DNAH5: variants seen among roughly 807,000 people sequenced by gnomAD.
The protein encoded by DNAH5 is axonemal beta dynein heavy chain 5.
In DNAH5, 372 loss-of-function variants were observed where a neutral mutation model predicts 518.2. That is an observed-to-expected ratio of 0.72 (90% CI 0.66 to 0.78). The LOEUF is 0.78. Among genes scored for constraint, DNAH5 ranks in the 30% least tolerant of loss-of-function variants. DNAH5 has a pLI of 0.00. For synonymous variants in DNAH5, 2,039 were observed against 2,025.9 expected, an observed-to-expected ratio of 1.01 and a Z score of -0.17; for missense variants, 5,523 against 5,687.0, an observed-to-expected ratio of 0.97 and a Z score of 0.93.
At chr5:13,713,434 C>CATATATATATAT (rs200836910) in intron 75 of DNAH5, among the ~76,000 whole-genome samples, 136 of 70,634 alleles carry the variant, frequency 1.9e-3, no homozygotes, top group African/African-American at 5.6e-3. Flanking sequence ...TATACATCGA[C>CATATATATATAT]ATATATATAT....
At chr5:13,811,318 C>T (rs1760671503) in intron 44 of DNAH5, among the ~76,000 whole-genome samples, 2 of 152,150 alleles carry the variant, frequency 1.3e-5, no homozygotes, top group Non-Finnish European at 2.9e-5. Context: ...AGTATGTATA[C>T]CTACTATGTA....
chr5:13,781,091 C>T (rs2126838691), intron 52 of DNAH5, 132 bp from the exon 53 acceptor site: 1 of 1,045,956 alleles, frequency 9.6e-7, no homozygotes. Flanking sequence ...AGACTGGAGA[C>T]ACACTGGTTG....
chr5:13,969,798 T>C (rs1362691101), intron 1 of DNAH5, among the ~76,000 whole-genome samples: 4 of 152,320 alleles, frequency 2.6e-5, no homozygotes, highest in East Asian at 3.9e-4. Flanking sequence ...TTGGGTAGAA[T>C]GTTCTGTAAA....
intron 1 of DNAH5, among the ~76,000 whole-genome samples, chr5:13,939,791 C>T (rs1037451494): frequency 7.9e-5 from 12 of 152,142 alleles, no homozygotes; most frequent in African/African-American, 1.9e-4. Flanking sequence ...AGAGGAAGCA[C>T]GGCACCTCCT....
chr5:13,735,275 C>G lies in DNAH5; in HGVS notation c.11617G>C (p.Glu3873Gln), dbSNP rs770233429. The change falls in exon 68 of 79, where the codon GAG becomes CAG. Residue 3873 changes from glutamate to glutamine, a missense_variant. Coordinates refer to ENST00000265104, the MANE Select transcript of DNAH5 (RefSeq NM_001369.3). Reference sequence around the variant, plus strand: ...TTATAAACCTCGTAGGTCATGTGCTCGATGATATTAGCAATCCTCTTGCTT... The same window carrying G: ...TTATAAACCTCGTAGGTCATGTGCTGGATGATATTAGCAATCCTCTTGCTT... ...ITSKRIANII[E>Q]HMTYEVYKYA... 10 of 1,613,928 alleles carry G rather than the reference C, an allele frequency of 6.2e-6. No individual in the cohort carries two copies. Among genetic ancestry groups the G allele is most frequent in the Non-Finnish European group, 6.8e-6 (8 of 1,180,000 alleles).
Position 13,871,742 on chromosome 5 carries a change from G to T in DNAH5, c.3420C>A (p.Cys1140Ter). ...TKKEVITSMD[C>*]FKRYNHIWQK... ...GCCAAATGTGATTGTAGCGTTTGAA[G>T]CAATCCATGGATGTAATAACTTCCT... Residue 1140 changes from cysteine (C) to a stop codon, truncating the protein, a stop_gained, in exon 23 of 79, where the codon TGC becomes TGA. Coordinates refer to ENST00000265104, the MANE Select transcript of DNAH5 (RefSeq NM_001369.3). LOFTEE classifies it high-confidence loss of function. 1 of 1,613,584 alleles carries T rather than the reference G, an allele frequency of 6.2e-7. No homozygotes were observed. The highest frequency in any genetic ancestry group is 8.5e-7 in the Non-Finnish European group (1 of 1,179,686).
At chr5:13,864,278 G>T (rs866968181) in intron 28 of DNAH5, 119 bp downstream of exon 28, 3 of 1,368,570 alleles carry the variant, frequency 2.2e-6, no homozygotes, top group Non-Finnish European at 2.1e-6. Context: ...GTGGCTGAAT[G>T]CCAGGAGAAG....
chr5:13,916,868 A>G (rs1033857434), intron 8 of DNAH5, among the ~76,000 whole-genome samples: 1 of 152,188 alleles, frequency 6.6e-6, no homozygotes, highest in Non-Finnish European at 1.5e-5. Flanking sequence ...GCAATATTTA[A>G]TGGAAAATGT....
At chr5:13,831,861 G>A (rs1763708577) in intron 35 of DNAH5, among the ~76,000 whole-genome samples, 1 of 152,144 alleles carries the variant, frequency 6.6e-6, no homozygotes, top group South Asian at 2.1e-4. Context: ...CATCCCCAGA[G>A]AACCCTGGAA....
intron 75 of DNAH5, among the ~76,000 whole-genome samples, chr5:13,713,130 C>T (rs1743743403): frequency 7.2e-6 from 1 of 138,650 alleles, no homozygotes; most frequent in Admixed American, 7.5e-5. Flanking sequence ...TATATACACA[C>T]ACACTGACAT....
At chr5:13,869,747 CA>C (rs1769805641) in intron 24 of DNAH5, among the ~76,000 whole-genome samples, 1 of 151,906 alleles carries the variant, frequency 6.6e-6, no homozygotes, top group South Asian at 2.1e-4. Flanking sequence ...TTGTTTTATA[CA>C]ATCGTTTTGT....
intron 1 of DNAH5, among the ~76,000 whole-genome samples, chr5:13,933,333 T>C (rs1483637172): frequency 1.3e-5 from 2 of 152,174 alleles, no homozygotes; most frequent in African/African-American, 4.8e-5. Flanking sequence ...GTATGTGCAT[T>C]CAATAAATAT....
rs552720987 is a variant in DNAH5 at position 13,776,949 on chromosome 5, T to C, written c.9106-243A>G. 2.6e-5 allele frequency among the ~76,000 whole-genome samples: 4 copies of C among 152,314 alleles called. No homozygotes were observed. In the East Asian group the frequency reaches 5.8e-4, roughly 22 times the overall value. ...ATGCCAAAAATCTAATTAGCTTTCT[T>C]TCTAACTTCGCTCTTCTGTTTTTTT... On this transcript the variant is annotated intron_variant, in intron 54 of 78. Coordinates refer to ENST00000265104, the MANE Select transcript of DNAH5 (RefSeq NM_001369.3).
intron 1 of DNAH5, among the ~76,000 whole-genome samples, chr5:13,997,546 C>T (rs1784052585): frequency 6.6e-6 from 1 of 152,184 alleles, no homozygotes; most frequent in Admixed American, 6.5e-5. Context: ...TGATCACAAC[C>T]ACTTAAGCAA....
At chr5:13,751,982 A>T in intron 64 of DNAH5, 152 bp downstream of exon 64, 1 of 804,542 alleles carries the variant, frequency 1.2e-6, no homozygotes, top group Non-Finnish European at 2.1e-6. Context: ...TGGATATTTT[A>T]ATCCAAAGTC....
At position 13,922,306 on chromosome 5, in the gene DNAH5, T is replaced by G. The variant is rs758776406; in HGVS notation, c.461A>C (p.Asp154Ala). 14 of 1,613,866 alleles carry G rather than the reference T, an allele frequency of 8.7e-6. No homozygotes were observed. The African/African-American group carries it at 1.9e-4, about 22-fold the overall frequency. The stretch of plus-strand genomic sequence containing the variant: ...GTTGAGCAGGCCTCCATCTGCCGCA[T>G]CTAACATGTTAAAACTCACCTCCTG... Reference protein sequence around the residue: ...IHQEVSFNMLDAADGGLLNSV... With the variant: ...IHQEVSFNMLAAADGGLLNSV... Residue 154 changes from aspartate (D) to alanine (A), a missense_variant, in exon 5 of 79, where the codon GAT becomes GCT. Transcript: ENST00000265104.
intron 58 of DNAH5, among the ~76,000 whole-genome samples, chr5:13,768,417 T>A (rs1214657135): frequency 6.6e-6 from 1 of 152,178 alleles, no homozygotes; most frequent in Non-Finnish European, 1.5e-5. Context: ...TTAAACGTCT[T>A]TTGTTTATAA....
intron 35 of DNAH5, among the ~76,000 whole-genome samples, chr5:13,834,992 G>C (rs1217964331): frequency 6.6e-6 from 1 of 152,138 alleles, no homozygotes; most frequent in Non-Finnish European, 1.5e-5. Flanking sequence ...ATTGTCAGAA[G>C]GATGCAGGTC....
At chr5:13,859,917 C>G (rs1768161066) in intron 29 of DNAH5, among the ~76,000 whole-genome samples, 1 of 152,150 alleles carries the variant, frequency 6.6e-6, no homozygotes. Flanking sequence ...GCTGCTATGG[C>G]TACGAGAATA....
Sources: gnomAD v4.1 joint callset for allele counts (sites outside exome capture counted in the v4.1 genomes callset) on GRCh38, gnomAD v4.1.1 for gene constraint, MANE v1.5 for transcripts, NCBI Gene and HGNC (gene_info 2026-07-23, HGNC 2026-07-21) for gene names.